TIAL1: variants seen among roughly 807,000 people sequenced by gnomAD.
TIAL1 encodes the protein nucleolysin TIAR.
A neutral mutation model predicts 59.7 loss-of-function variants in TIAL1; 7 were observed. The ratio of observed to expected loss-of-function variants is 0.12; its 90% CI spans 0.07 to 0.22. The LOEUF is 0.22. Ranked by LOEUF, TIAL1 falls within the 10% of genes least tolerant of loss-of-function variation. TIAL1 has a pLI of 1.00. For missense variants in TIAL1, 225 were observed against 462.5 expected (o/e 0.49, Z 4.71); for synonymous variants, 149 against 146.3 (o/e 1.02, Z -0.13).
chr10:119,577,090 T>C lies in TIAL1; in HGVS notation c.851A>G (p.Asn284Ser). 1 of 1,613,680 alleles carries C rather than the reference T, an allele frequency of 6.2e-7. No homozygotes were observed. The highest frequency in any genetic ancestry group is 8.5e-7 in the Non-Finnish European group (1 of 1,179,810). The change falls in exon 10 of 12, where the codon AAC becomes AGC. Residue 284 changes from asparagine to serine, a missense_variant. Physicochemically the swap from Asn to Ser is conservative, Grantham distance 46. Coordinates refer to ENST00000436547, the MANE Select transcript of TIAL1 (RefSeq NM_003252.4). ...WGKESPDMTK[N>S]FQQVDYSQWG... ...GAAAAATCGAATTACCTGTTGGAAGTTTTTAGTCATATCAGGAGATTCTTT... is the reference window on the plus strand; with the variant it reads ...GAAAAATCGAATTACCTGTTGGAAGCTTTTAGTCATATCAGGAGATTCTTT...
intron 1 of TIAL1, among the ~76,000 whole-genome samples, chr10:119,592,475 GAC>G (rs1374413704): frequency 1.3e-5 from 2 of 152,148 alleles, no homozygotes; most frequent in African/African-American, 4.8e-5. Context: ...GAAGACTAAT[GAC>G]ACTTTTTCAA....
intron 1 of TIAL1, among the ~76,000 whole-genome samples, chr10:119,594,544 C>T (rs1352285316): frequency 6.6e-6 from 1 of 152,176 alleles, no homozygotes; most frequent in Non-Finnish European, 1.5e-5. Context: ...GTCTTTAAGC[C>T]TAGCTTTCCC....
At chr10:119,576,075 T>C (rs1207346229) in intron 11 of TIAL1, among the ~76,000 whole-genome samples, 1 of 152,064 alleles carries the variant, frequency 6.6e-6, no homozygotes, top group Non-Finnish European at 1.5e-5. Flanking sequence ...ACATCATCTA[T>C]TACATAAGAA....
intron 5 of TIAL1, chr10:119,580,351 A>G (rs1485049813): frequency 3.1e-6 from 1 of 327,846 alleles, no homozygotes. Context: ...TACTGTAACA[A>G]TACTAACTAC....
intron 1 of TIAL1, among the ~76,000 whole-genome samples, chr10:119,593,730 AAT>A (rs1491136918): frequency 5.9e-5 from 9 of 152,354 alleles, no homozygotes; most frequent in South Asian, 4.1e-4. Flanking sequence ...ACTTATATCT[AAT>A]AGAACCCTTT....
intron 1 of TIAL1, among the ~76,000 whole-genome samples, chr10:119,594,835 G>T (rs1311956655): frequency 2.0e-5 from 3 of 152,154 alleles, no homozygotes; most frequent in Non-Finnish European, 4.4e-5. Flanking sequence ...GTGTTGGCCA[G>T]GAAGGTCTCG....
At chr10:119,586,455 C>T (rs1845574807) in intron 2 of TIAL1, among the ~76,000 whole-genome samples, 1 of 152,198 alleles carries the variant, frequency 6.6e-6, no homozygotes, top group African/African-American at 2.4e-5. Context: ...CTTACCTAGA[C>T]TAGTGAAGTA....
At chr10:119,576,782 C>T (rs767298439) in intron 10 of TIAL1, 32 bp from the exon 11 acceptor site, 5 of 1,609,144 alleles carry the variant, frequency 3.1e-6, no homozygotes, top group Non-Finnish European at 4.2e-6. Context: ...TTTTAGGGAA[C>T]ACATAAGAAA....
chr10:119,590,402 G>A lies in TIAL1; in HGVS notation c.33-2154C>T, dbSNP rs76390571. On this transcript the variant is annotated intron_variant, in intron 1 of 11. Transcript: ENST00000436547. Reference sequence around the variant, plus strand: ...AAATGATTTCTTTTTGTACAGAGTAGACCTATCTGTAAGAAAAATGAACAA... The same window carrying A: ...AAATGATTTCTTTTTGTACAGAGTAAACCTATCTGTAAGAAAAATGAACAA... 5.8e-3 allele frequency among the ~76,000 whole-genome samples: 890 copies of A among 152,182 alleles called. 10 individuals carry two copies. The highest frequency in any genetic ancestry group is 1.0e-2 in the Non-Finnish European group (677 of 67,990).
intron 1 of TIAL1, among the ~76,000 whole-genome samples, chr10:119,594,561 TTATATCAAAG>T (rs1272264171): frequency 6.6e-6 from 1 of 152,210 alleles, no homozygotes; most frequent in African/African-American, 2.4e-5. Context: ...TCCCAGATGC[TTATATCAAAG>T]TACACATTGT....
intron 1 of TIAL1, among the ~76,000 whole-genome samples, chr10:119,595,360 G>A (rs903884175): frequency 2.6e-5 from 4 of 151,424 alleles, no homozygotes; most frequent in African/African-American, 7.3e-5. Flanking sequence ...TGGTACTCAA[G>A]GTAGGAGTGC....
At position 119,577,776 on chromosome 10, in the gene TIAL1, T is replaced by G. The variant is rs764496688; in HGVS notation, c.557-40A>C. ...AAAACAAAAACGTTGACTGTTATAT[T>G]GTACTATGAAACTCTTCTGTTAATT... On this transcript the variant is annotated intron_variant, in intron 7 of 11. Transcript: ENST00000436547. The G allele has an allele frequency of 1.2e-5, 18 of 1,509,308 alleles. No homozygotes were observed. In the Admixed American group the frequency reaches 3.0e-4, roughly 25 times the overall value. The allele number at this position is 1,509,308 out of a possible 1,614,324, so 93.5% of individuals were successfully genotyped here. A position where few individuals can be genotyped will look rare whatever the true frequency, so the allele number is the denominator to read the frequency against.
intron 1 of TIAL1, chr10:119,592,336 A>G (rs915653597): frequency 2.6e-5 from 4 of 152,216 alleles, no homozygotes; most frequent in African/African-American, 7.2e-5. Flanking sequence ...TTTATCTCTA[A>G]TATCAGGGTT....
chr10:119,590,762 G>GAGAAAGAC (rs1446023630), intron 1 of TIAL1, among the ~76,000 whole-genome samples: 3 of 125,292 alleles, frequency 2.4e-5, no homozygotes, highest in Non-Finnish European at 5.0e-5. Flanking sequence ...GAGAGAAAGA[G>GAGAAAGAC]AGAAAGAAAG....
At chr10:119,595,138 T>C (rs1333349766) in intron 1 of TIAL1, among the ~76,000 whole-genome samples, 2 of 152,156 alleles carry the variant, frequency 1.3e-5, no homozygotes, top group Non-Finnish European at 1.5e-5. Flanking sequence ...ACCAAAAAAA[T>C]CTCTATCAAT....
In TIAL1 at chr10:119,574,485, C is replaced by G. The variant is rs1157322268; in HGVS notation, c.*1180G>C. The G allele has an allele frequency of 6.8e-6, 1 of 146,734 alleles. No homozygotes were observed. Among genetic ancestry groups the G allele is most frequent in the Non-Finnish European group, 1.5e-5 (1 of 66,990 alleles). 9.1% of individuals were successfully genotyped at this position (146,734 alleles called of 1,614,324 possible). ...ATATATCTTAATTTTTAAAAACACCCCAAGATTTTTAAAAAACACTTGTAC... is the reference window on the plus strand; with the variant it reads ...ATATATCTTAATTTTTAAAAACACCGCAAGATTTTTAAAAAACACTTGTAC... On this transcript the variant is annotated 3_prime_UTR_variant, in exon 12 of 12. Coordinates refer to ENST00000436547, the MANE Select transcript of TIAL1 (RefSeq NM_003252.4).
intron 1 of TIAL1, among the ~76,000 whole-genome samples, chr10:119,594,364 C>A (rs557022250): frequency 5.9e-5 from 9 of 152,088 alleles, no homozygotes; most frequent in Non-Finnish European, 1.2e-4. Context: ...TAAAAGACAT[C>A]AAAAAAGCAC....
intron 7 of TIAL1, among the ~76,000 whole-genome samples, 170 bp downstream of exon 7, chr10:119,578,556 A>G (rs542960094): frequency 6.6e-6 from 1 of 151,896 alleles, no homozygotes; most frequent in African/African-American, 2.4e-5. Flanking sequence ...ACTTATACCC[A>G]GGAGTTTCAG....
At position 119,577,456 on chromosome 10, in the gene TIAL1, A is replaced by G; in HGVS notation, c.732T>C (p.Phe244=). 2 of 1,612,296 alleles carry G rather than the reference A, an allele frequency of 1.2e-6. No individual in the cohort carries two copies. Among genetic ancestry groups the G allele is most frequent in the Non-Finnish European group, 1.7e-6 (2 of 1,178,700 alleles). The change falls in exon 9 of 12, where the codon TTT becomes TTC. Residue 244 remains phenylalanine (F), a synonymous_variant. Transcript: ENST00000436547. ...IRVFPEKGYS[F]VRFSTHESAA... is the part of the protein sequence containing the mutation. ...TATTTCAAGTAGAGTGTTACCTGAC[A>G]AATGAATAGCCCTTTTCTGGGAAAA... is the stretch of plus-strand genomic sequence containing the variant.
Sources: allele counts gnomAD v4.1 joint callset (sites outside exome capture counted in the v4.1 genomes callset), GRCh38; gene constraint gnomAD v4.1.1; transcripts MANE v1.5; gene names NCBI Gene and HGNC (gene_info 2026-07-23, HGNC 2026-07-21).